Variants in MBNL2 observed in about 807,000 individuals in gnomAD.
MBNL2 encodes the protein muscleblind-like protein 2.
In MBNL2, 17 loss-of-function variants were observed where a neutral mutation model predicts 41.9. The observed-to-expected ratio is 0.41, with a 90% CI of 0.28 to 0.61. MBNL2 has a LOEUF of 0.61. Ranked by LOEUF, MBNL2 falls within the 20% of genes least tolerant of loss-of-function variation. The pLI is 0.35. For synonymous variants in MBNL2, 195 were observed against 182.9 expected (o/e 1.07, Z -0.53); for missense variants, 336 against 505.6 (o/e 0.66, Z 3.22).
chr13:97,329,795 T>C (rs61619559), intron 2 of MBNL2, among the ~76,000 whole-genome samples: 46,094 of 84,838 alleles, frequency 0.54, 9,287 homozygotes, highest in African/African-American at 0.68. Context: ...ACAATACATA[T>C]AATACATACA....
the MBNL2 span, among the ~76,000 whole-genome samples, chr13:97,189,879 A>G: frequency 1.3e-5 from 2 of 152,250 alleles, no homozygotes; most frequent in Non-Finnish European, 2.9e-5. Context: ...CACGCACAGC[A>G]TGTGCAGCTG....
chr13:97,185,983 C>G, the MBNL2 span, among the ~76,000 whole-genome samples: 238 of 152,346 alleles, frequency 1.6e-3, no homozygotes, highest in Non-Finnish European at 2.7e-3. Context: ...TGGCCCATGC[C>G]TGGGCTTTTT....
At chr13:97,249,715 C>T (rs1431669044) in intron 1 of MBNL2, among the ~76,000 whole-genome samples, 4 of 152,248 alleles carry the variant, frequency 2.6e-5, no homozygotes, top group East Asian at 1.9e-4. Context: ...CTTTAGGAGC[C>T]GCTGAATTTT....
intron 2 of MBNL2, among the ~76,000 whole-genome samples, chr13:97,317,045 T>C (rs1412433893): frequency 1.3e-5 from 2 of 152,146 alleles, no homozygotes; most frequent in African/African-American, 2.4e-5. Context: ...CTGTCACACA[T>C]CTGATGGCCT....
chr13:97,268,957 T>G lies in MBNL2; in HGVS notation c.-604-6675T>G, dbSNP rs1006352016. Among the ~76,000 whole-genome samples the G allele has an allele frequency of 6.6e-6, 1 of 152,158 alleles. No homozygotes were observed. On this transcript the variant is annotated intron_variant, in intron 1 of 8. Transcript: ENST00000679496. The surrounding 1 kb of genome is among the most constrained non-coding windows in gnomAD (Gnocchi z 4.6). ...GAAAGGACGAAGGAGGGGGCGCTGT[T>G]CCGGATGCAGGCCCGTGAGGAGGGC...
intron 1 of MBNL2, among the ~76,000 whole-genome samples, chr13:97,238,964 G>A (rs896494862): frequency 2.6e-5 from 4 of 152,182 alleles, no homozygotes; most frequent in African/African-American, 9.6e-5. Context: ...GGTGAGGTGA[G>A]GTCTAAAGGC....
At chr13:97,146,001 T>TTTCTTTTCTTTTTTTCTTTTCTC in the MBNL2 span, among the ~76,000 whole-genome samples, 1 of 140,958 alleles carries the variant, frequency 7.1e-6, no homozygotes, top group Admixed American at 7.4e-5. Context: ...TTTCTTTTCT[T>TTTCTTTTCTTTTTTTCTTTTCTC]TGAAACGGAG....
At chr13:97,278,882 C>A (rs1039980687) in intron 2 of MBNL2, among the ~76,000 whole-genome samples, 1 of 152,136 alleles carries the variant, frequency 6.6e-6, no homozygotes, top group Non-Finnish European at 1.5e-5. Context: ...GTAAAATAGA[C>A]CTGAGTCTAA....
chr13:97,238,933 T>C (rs7990248), intron 1 of MBNL2, among the ~76,000 whole-genome samples: 112,159 of 152,044 alleles, frequency 0.74, 41,684 homozygotes, highest in African/African-American at 0.83. Flanking sequence ...TGAAAAACAT[T>C]AGATAAATGT....
chr13:97,281,640 T>C (rs1252571186), intron 2 of MBNL2, among the ~76,000 whole-genome samples: 4 of 152,220 alleles, frequency 2.6e-5, no homozygotes, highest in Non-Finnish European at 5.9e-5. Context: ...GTGAATTCTT[T>C]GCAGAAATTG....
At chr13:97,317,000 G>A (rs914986563) in intron 2 of MBNL2, among the ~76,000 whole-genome samples, 2 of 152,190 alleles carry the variant, frequency 1.3e-5, no homozygotes, top group Non-Finnish European at 1.5e-5. Context: ...TGCAGCAGAG[G>A]GTATAGGAAG....
At chr13:97,358,606 C>T (rs959080513) in intron 7 of MBNL2, among the ~76,000 whole-genome samples, 4 of 152,094 alleles carry the variant, frequency 2.6e-5, no homozygotes, top group East Asian at 1.9e-4. Context: ...GCACACCATA[C>T]GCAAAGATAG....
the MBNL2 span, among the ~76,000 whole-genome samples, chr13:97,174,207 G>A: frequency 6.6e-6 from 1 of 152,132 alleles, no homozygotes; most frequent in African/African-American, 2.4e-5. Context: ...TGGTGGGTGG[G>A]CAGCTGGGCA....
chr13:97,218,743 G>A (rs770055878), upstream of MBNL2, among the ~76,000 whole-genome samples: 15 of 151,876 alleles, frequency 9.9e-5, no homozygotes, highest in Non-Finnish European at 1.8e-4. Context: ...AAAGAAGAAG[G>A]AGGAGGAGGA....
intron 2 of MBNL2, among the ~76,000 whole-genome samples, chr13:97,300,849 AT>A (rs1364236962): frequency 2.0e-5 from 3 of 152,156 alleles, no homozygotes; most frequent in Non-Finnish European, 2.9e-5. Context: ...TTGCACTCGG[AT>A]TTTTTTCACT....
chr13:97,248,494 G>C (rs2045920064), intron 1 of MBNL2, among the ~76,000 whole-genome samples: 1 of 152,142 alleles, frequency 6.6e-6, no homozygotes, highest in Non-Finnish European at 1.5e-5. Flanking sequence ...AGCTTAGTTG[G>C]TTAAAGCAGG....
At chr13:97,165,779 T>C in the MBNL2 span, among the ~76,000 whole-genome samples, 2 of 152,216 alleles carry the variant, frequency 1.3e-5, no homozygotes, top group African/African-American at 4.8e-5. Flanking sequence ...GTTATGCTTA[T>C]TGAAAAGAGG....
chr13:97,148,809 C>T, the MBNL2 span, among the ~76,000 whole-genome samples: 7 of 152,096 alleles, frequency 4.6e-5, no homozygotes, highest in African/African-American at 1.2e-4. Flanking sequence ...AATGAAATTC[C>T]GTAGTAATAA....
At position 97,346,691 on chromosome 13, in the gene MBNL2, A is replaced by G; in HGVS notation, c.541-113A>G. 5.4e-6 allele frequency: 4 copies of G among 743,794 alleles called. No homozygotes were observed. Among genetic ancestry groups the G allele is most frequent in the Non-Finnish European group, 8.8e-6 (4 of 452,116 alleles). 46.1% of individuals were successfully genotyped at this position (743,794 alleles called of 1,614,324 possible). A position where few individuals can be genotyped will look rare whatever the true frequency, so the allele number is the denominator to read the frequency against. ...ATCAATCTTTTCTTGTCAGTGGTAC[A>G]TGAGCCACCATTGAAAGCGAGGCAG... is the stretch of plus-strand genomic sequence containing the variant. On this transcript the variant is annotated intron_variant, in intron 4 of 8. Coordinates refer to ENST00000679496, the MANE Select transcript of MBNL2 (RefSeq NM_001382683.1). This position sits in a 1 kb window ranked among gnomAD's most constrained non-coding sequence, Gnocchi z 4.2.
Sources: allele counts gnomAD v4.1 joint callset (sites outside exome capture counted in the v4.1 genomes callset), GRCh38; gene constraint gnomAD v4.1.1; non-coding constraint Gnocchi (gnomAD v3.1); transcripts MANE v1.5; gene names NCBI Gene and HGNC (gene_info 2026-07-23, HGNC 2026-07-21).